Variants in CACNA1A observed in about 807,000 individuals in gnomAD.
CACNA1A encodes the protein calcium voltage-gated channel subunit alpha1 A, also known as voltage-dependent P/Q-type calcium channel subunit alpha-1A.
In CACNA1A, 57 loss-of-function variants were observed where a neutral mutation model predicts 262.4. That is an observed-to-expected ratio of 0.22 (90% confidence interval 0.18 to 0.27). The LOEUF (loss-of-function observed/expected upper bound fraction) is 0.27. CACNA1A is among the 10% of genes least tolerant of loss of function. CACNA1A has a pLI of 1.00. For synonymous variants in CACNA1A, 1,431 were observed against 1,419.3 expected (o/e 1.01, Z -0.18); for missense variants, 2,526 against 3,562.8 (o/e 0.71, Z 7.41).
chr19:13,262,589 A>G (rs1366187654), intron 25 of CACNA1A, 145 bp downstream of exon 25: 1 of 628,720 alleles, frequency 1.6e-6, no homozygotes, highest in African/African-American at 1.8e-5. Context: ...GGAAGTTGTA[A>G]TAATACAAAT....
Position 13,207,850 on chromosome 19 carries a change from G to T in CACNA1A, c.6984C>A (p.Ala2328=). The T allele has an allele frequency of 6.8e-7, 1 of 1,464,122 alleles. No homozygotes were observed. Among genetic ancestry groups the T allele is most frequent in the South Asian group, 1.3e-5 (1 of 75,050 alleles). The allele number at this position is 1,464,122 out of a possible 1,614,324, so 90.7% of individuals were successfully genotyped here. ...QQQQQQQQAV[A]RPGRAATSGP... The stretch of plus-strand genomic sequence containing the variant: ...CGCTGGTGGCCGCCCGGCCCGGCCT[G>T]GCCACCGCCTGCTGCTGCTGCTGCT... The change falls in exon 47 of 47, where the codon GCC becomes GCA. Residue 2328 remains alanine, a synonymous_variant. Transcript: ENST00000360228. This position sits in a 1 kb window ranked among gnomAD's most constrained non-coding sequence, Gnocchi z 5.7.
chr19:13,333,982 T>G (rs548248426), intron 8 of CACNA1A: 1 of 180,774 alleles, frequency 5.5e-6, no homozygotes, highest in African/African-American at 2.3e-5. Flanking sequence ...CTACCGTGTA[T>G]CAGGCACTTC....
intron 6 of CACNA1A, among the ~76,000 whole-genome samples, chr19:13,340,076 C>T (rs541202016): frequency 2.0e-5 from 3 of 152,052 alleles, no homozygotes; most frequent in African/African-American, 4.8e-5. Flanking sequence ...CTGCACCGGC[C>T]GCCAGTAGGG....
intron 10 of CACNA1A, among the ~76,000 whole-genome samples, chr19:13,324,450 A>C (rs1312675704): frequency 6.6e-6 from 1 of 152,202 alleles, no homozygotes; most frequent in Non-Finnish European, 1.5e-5. Context: ...TGCCTTCCCC[A>C]CACACAAAAA....
chr19:13,257,630 G>A, intron 27 of CACNA1A, 79 bp from the exon 28 acceptor site: 1 of 845,054 alleles, frequency 1.2e-6, no homozygotes, highest in South Asian at 2.0e-5. Context: ...GGAAGGTGGA[G>A]AGAGGGTGGA....
chr19:13,303,802 G>C lies in CACNA1A; in HGVS notation c.2069C>G (p.Ser690Cys). 6.2e-7 allele frequency: 1 copy of C among 1,613,352 alleles called. No individual in the cohort carries two copies. The highest frequency in any genetic ancestry group is 8.5e-7 in the Non-Finnish European group (1 of 1,179,466). Residue 690 changes from serine (S) to cysteine (C), a missense_variant, in exon 16 of 47, where the codon TCC (serine) becomes TGC (cysteine). Physicochemically the swap from Ser to Cys is moderately radical, Grantham distance 112 (BLOSUM62 -1). Around this residue, in one of 17 missense-constraint regions of CACNA1A, gnomAD observed 102 missense variants for 278.9 expected, o/e 0.37. Transcript: ENST00000360228. ...GAGCGTCAGTACAATGAAATAGATG[G>C]AGAACACCATGCCGCCCTGCACGCC... is the stretch of plus-strand genomic sequence containing the variant. ...QGGVQGGMVF[S>C]IYFIVLTLFG...
At chr19:13,288,753 T>C (rs1433976152) in intron 19 of CACNA1A, among the ~76,000 whole-genome samples, 1 of 152,110 alleles carries the variant, frequency 6.6e-6, no homozygotes, top group African/African-American at 2.4e-5. Flanking sequence ...AACACAGCCC[T>C]GGTTTCCCAT....
chr19:13,335,410 G>A (rs1000546765), intron 7 of CACNA1A, among the ~76,000 whole-genome samples: 5 of 152,088 alleles, frequency 3.3e-5, no homozygotes, highest in African/African-American at 1.2e-4. Flanking sequence ...CCATACAAGT[G>A]CCCAGACTTC....
intron 3 of CACNA1A, among the ~76,000 whole-genome samples, chr19:13,434,658 T>G (rs1044571108): frequency 6.6e-6 from 1 of 152,180 alleles, no homozygotes; most frequent in African/African-American, 2.4e-5. Context: ...TCTGCCATGA[T>G]TGTAAGTTTC....
At position 13,262,772 on chromosome 19, in the gene CACNA1A, G is replaced by A. The variant is rs1568473171; in HGVS notation, c.4051C>T (p.Arg1351Ter). ...IKSLRVLRVL[R>*]PLKTIKRLPK... ...AGCCGCTTGATGGTTTTAAGAGGTC[G>A]TAGCACCCGGAGGACTCGGAGGGAT... Residue 1351 changes from arginine to a stop codon, truncating the protein, a stop_gained, in exon 25 of 47, where the codon CGA (arginine) becomes TGA (stop). Transcript: ENST00000360228. LOFTEE classifies it high-confidence loss of function. The A allele has an allele frequency of 6.2e-7, 1 of 1,613,504 alleles. No homozygotes were observed. The highest frequency in any genetic ancestry group is 8.5e-7 in the Non-Finnish European group (1 of 1,179,614).
intron 1 of CACNA1A, among the ~76,000 whole-genome samples, chr19:13,495,423 G>A (rs1452468081): frequency 3.3e-5 from 5 of 151,834 alleles, no homozygotes; most frequent in African/African-American, 1.2e-4. Context: ...CAGCCTCCCA[G>A]GTAGCTGGGA....
In CACNA1A at chr19:13,245,566, T is replaced by C. The variant is rs2302080; in HGVS notation, c.4867-301A>G. On this transcript the variant is annotated intron_variant, in intron 30 of 46. Transcript: ENST00000360228. ...GCTGTGGCCTGTCTCTCCAGCATTT[T>C]TGAGGGCTCCCGAGACCCCAGGGGC... 0.28 allele frequency: 106,812 copies of C among 375,036 alleles called. 16,911 individuals are homozygous for C. The highest frequency in any genetic ancestry group is 0.31 in the Non-Finnish European group (63,618 of 204,734). 23.2% of individuals were successfully genotyped at this position (375,036 alleles called of 1,614,324 possible).
At position 13,330,339 on chromosome 19, in the gene CACNA1A, A is replaced by G. The variant is rs2058445788; in HGVS notation, c.1256-6T>C. 1.3e-6 allele frequency: 2 copies of G among 1,554,458 alleles called. No individual in the cohort carries two copies. Among genetic ancestry groups the G allele is most frequent in the Non-Finnish European group, 1.7e-6 (2 of 1,146,960 alleles). On this transcript the variant is annotated splice_region_variant and splice_polypyrimidine_tract_variant and intron_variant, in intron 9 of 46. Coordinates refer to ENST00000360228, the MANE Select transcript of CACNA1A (RefSeq NM_001127222.2). Reference sequence around the variant, plus strand: ...TATGGTGGTTCTCCGCAGAGCTCCAACAATGGAAACATGGCAAGAGAAAAA... The same window carrying G: ...TATGGTGGTTCTCCGCAGAGCTCCAGCAATGGAAACATGGCAAGAGAAAAA...
At chr19:13,380,735 T>TGG (rs1212799107) in intron 3 of CACNA1A, among the ~76,000 whole-genome samples, 4 of 81,896 alleles carry the variant, frequency 4.9e-5, no homozygotes, top group South Asian at 3.7e-4. Flanking sequence ...ATTTATTGGT[T>TGG]TGTTTGTTTG....
intron 5 of CACNA1A, among the ~76,000 whole-genome samples, chr19:13,361,707 A>C (rs536571320): frequency 6.6e-6 from 1 of 152,290 alleles, no homozygotes; most frequent in South Asian, 2.1e-4. Flanking sequence ...CTCGCCATGA[A>C]CTTAAGTTGT....
At chr19:13,469,322 C>A (rs1448080992) in intron 1 of CACNA1A, among the ~76,000 whole-genome samples, 3 of 152,204 alleles carry the variant, frequency 2.0e-5, no homozygotes, top group African/African-American at 4.8e-5. Flanking sequence ...TCCCCTGCTT[C>A]CTTGATCACT....
At chr19:13,286,040 C>G (rs780207494) in intron 20 of CACNA1A, among the ~76,000 whole-genome samples, 3 of 149,482 alleles carry the variant, frequency 2.0e-5, no homozygotes, top group Non-Finnish European at 3.0e-5. Flanking sequence ...CACTCTACCT[C>G]GGCCTCCTGA....
intron 3 of CACNA1A, among the ~76,000 whole-genome samples, chr19:13,437,691 C>CAAAAAAAA (rs35266881): frequency 9.2e-5 from 6 of 64,938 alleles, no homozygotes; most frequent in South Asian, 6.2e-4. Context: ...AACCCCATCT[C>CAAAAAAAA]AAAAAAAAAA....
chr19:13,403,923 C>T, intron 3 of CACNA1A, among the ~76,000 whole-genome samples: 1 of 152,062 alleles, frequency 6.6e-6, no homozygotes, highest in East Asian at 1.9e-4. Flanking sequence ...TGCCACTGCT[C>T]TCCAGCCTGG....
Sources: gnomAD v4.1 joint callset for allele counts (sites outside exome capture counted in the v4.1 genomes callset) on GRCh38, gnomAD v4.1.1 for gene constraint, gnomAD v4.1.1 regional missense constraint, Gnocchi (gnomAD v3.1) non-coding constraint, MANE v1.5 for transcripts, NCBI Gene and HGNC (gene_info 2026-07-23, HGNC 2026-07-21) for gene names.